Variants in MANF observed in about 807,000 individuals in gnomAD.
The protein encoded by MANF is mesencephalic astrocyte derived neurotrophic factor.
MANF carries 9 observed loss-of-function variants against 19.1 expected under a neutral mutation model. That is an observed-to-expected ratio of 0.47 (90% CI 0.28 to 0.82). MANF has a LOEUF of 0.82. MANF is among the 40% of genes least tolerant of loss of function. The probability of loss-of-function intolerance (pLI) is 0.10; values close to 1 mark genes in which losing one functional copy is unlikely to be tolerated. For synonymous variants in MANF, 89 were observed against 88.0 expected (o/e 1.01, Z -0.06); for missense variants, 225 against 226.7 (o/e 0.99, Z 0.05).
intron 2 of MANF, among the ~76,000 whole-genome samples, chr3:51,387,510 C>T (rs556245395): frequency 2.0e-5 from 3 of 151,978 alleles, no homozygotes; most frequent in East Asian, 1.9e-4. Context: ...TGGCCCACAC[C>T]GGTAGACCCA....
intron 1 of MANF, 144 bp downstream of exon 1, chr3:51,385,580 A>C: frequency 2.3e-6 from 1 of 443,444 alleles, no homozygotes; most frequent in Non-Finnish European, 3.7e-6. Context: ...CGGGGCCTGC[A>C]TGAGGAGGCT....
chr3:51,388,926 C>T lies in MANF; in HGVS notation c.386C>T (p.Thr129Ile). Reference protein sequence around the residue: ...LKYDKQIDLSTVDLKKLRVKE... With the variant: ...LKYDKQIDLSIVDLKKLRVKE... ...CCAGACAAGCAGATCGACCTGAGCACAGTGGACCTGAAGAAGCTCCGAGTT... is the reference window on the plus strand; with the variant it reads ...CCAGACAAGCAGATCGACCTGAGCATAGTGGACCTGAAGAAGCTCCGAGTT... Residue 129 changes from threonine (T) to isoleucine (I), a missense_variant, in exon 4 of 4, where the codon ACA becomes ATA. By Grantham distance (89) the Thr-to-Ile change is moderately conservative. Coordinates refer to ENST00000528157, the MANE Select transcript of MANF (RefSeq NM_006010.6). 1 of 1,582,302 alleles carries T rather than the reference C, an allele frequency of 6.3e-7. No individual in the cohort carries two copies. The highest frequency in any genetic ancestry group is 1.8e-5 in the Admixed American group (1 of 55,294).
Position 51,389,380 on chromosome 3 carries a change from T to G in MANF, c.*291T>G. On this transcript the variant is annotated 3_prime_UTR_variant, in exon 4 of 4. Transcript: ENST00000528157. ...TATAGTGAATACCAAAATGGGGTTTTGCCCCAGGAGGCTCCTACCAGTTTC... is the reference window on the plus strand; with the variant it reads ...TATAGTGAATACCAAAATGGGGTTTGGCCCCAGGAGGCTCCTACCAGTTTC... 2.9e-6 allele frequency: 1 copy of G among 344,794 alleles called. No individual in the cohort carries two copies. The highest frequency in any genetic ancestry group is 5.2e-6 in the Non-Finnish European group (1 of 191,464). The allele number at this position is 344,794 out of a possible 1,614,324, so 21.4% of individuals were successfully genotyped here.
intron 3 of MANF, among the ~76,000 whole-genome samples, chr3:51,388,375 T>C (rs1553621094): frequency 6.6e-6 from 1 of 152,242 alleles, no homozygotes; most frequent in East Asian, 1.9e-4. Context: ...TCTCTCTTGC[T>C]GACTGGGTCT....
Position 51,387,864 on chromosome 3 carries a change from G to GTCCAC in MANF, c.351_352insCCACT (p.Glu118ProfsTer12). 6.2e-7 allele frequency: 1 copy of GTCCAC among 1,613,754 alleles called. No individual in the cohort carries two copies. Among genetic ancestry groups the GTCCAC allele is most frequent in the African/African-American group, 1.3e-5 (1 of 75,060 alleles). The stretch of plus-strand genomic sequence containing the variant: ...CTTAAGAAGAAGGACAGCCAGATAT[G>GTCCAC]TGAGCTTAAGTATGGTGAGTATGCC... On this transcript the variant is annotated frameshift_variant, in exon 3 of 4. Coordinates refer to ENST00000528157, the MANE Select transcript of MANF (RefSeq NM_006010.6). LOFTEE classifies it high-confidence loss of function.
At position 51,387,877 on chromosome 3, in the gene MANF, T is replaced by C. The variant is rs2088977537; in HGVS notation, c.363T>C (p.Tyr121=). 2 of 1,613,422 alleles carry C rather than the reference T, an allele frequency of 1.2e-6. No homozygotes were observed. Among genetic ancestry groups the C allele is most frequent in the Admixed American group, 1.7e-5 (1 of 59,982 alleles). ...KKDSQICELK[Y]DKQIDLSTVD... is the part of the protein sequence containing the mutation. ...ACAGCCAGATATGTGAGCTTAAGTATGGTGAGTATGCCTAGTCCTTTCTTA... is the reference window on the plus strand; with the variant it reads ...ACAGCCAGATATGTGAGCTTAAGTACGGTGAGTATGCCTAGTCCTTTCTTA... The change falls in exon 3 of 4, where the codon TAT becomes TAC. Residue 121 remains tyrosine (Y), a splice_region_variant and synonymous_variant. Transcript: ENST00000528157.
intron 3 of MANF, among the ~76,000 whole-genome samples, chr3:51,388,346 A>G (rs951043709): frequency 6.6e-6 from 1 of 152,234 alleles, no homozygotes; most frequent in African/African-American, 2.4e-5. Flanking sequence ...TGCAAGCCCA[A>G]GAGTTAGGAA....
rs1553621180 is a variant in MANF at position 51,389,021 on chromosome 3, A to G, written c.481A>G (p.Ile161Val). Residue 161 changes from isoleucine to valine, a missense_variant, in exon 4 of 4, where the codon ATC becomes GTC. Transcript: ENST00000528157. ...CKGCAEKSDY[I>V]RKINELMPKY... Reference sequence around the variant, plus strand: ...AGGCTGTGCAGAAAAGTCTGACTACATCCGGAAGATAAATGAACTGATGCC... The same window carrying G: ...AGGCTGTGCAGAAAAGTCTGACTACGTCCGGAAGATAAATGAACTGATGCC... The G allele has an allele frequency of 3.7e-6, 6 of 1,612,258 alleles. No homozygotes were observed. In the East Asian group the frequency reaches 1.3e-4, roughly 36 times the overall value.
chr3:51,387,015 G>A, intron 2 of MANF: 1 of 445,426 alleles, frequency 2.2e-6, no homozygotes, highest in South Asian at 1.6e-5. Context: ...ACCAGTACAG[G>A]CAGGGCACCG....
chr3:51,385,326 G>GGAT lies in MANF; in HGVS notation c.-15_-14insTGA, dbSNP rs1337754563. The GGAT allele has an allele frequency of 1.7e-5, 20 of 1,203,168 alleles. No individual in the cohort carries two copies. Among genetic ancestry groups the GGAT allele is most frequent in the African/African-American group, 1.1e-4 (7 of 63,402 alleles). The allele number at this position is 1,203,168 out of a possible 1,614,324, so 74.5% of individuals were successfully genotyped here. On this transcript the variant is annotated 5_prime_UTR_variant, in exon 1 of 4. It adds an upstream start codon to the 5' untranslated region. Transcript: ENST00000528157. The stretch of plus-strand genomic sequence containing the variant: ...CGGCGGCAGCGGAGGAGGAGGAGGA[G>GGAT]GAGGAGGATGAGGAGGATGAGGAGG...
intron 2 of MANF, among the ~76,000 whole-genome samples, chr3:51,387,376 G>T (rs782764153): frequency 2.6e-5 from 4 of 152,058 alleles, no homozygotes; most frequent in Non-Finnish European, 5.9e-5. Flanking sequence ...AGAATTGCTT[G>T]AACCTGGGAG....
Position 51,389,309 on chromosome 3 carries a change from G to T in MANF, c.*220G>T. On this transcript the variant is annotated 3_prime_UTR_variant, in exon 4 of 4. Coordinates refer to ENST00000528157, the MANE Select transcript of MANF (RefSeq NM_006010.6). ...CTCTAGGACTTCAAAGTGTGTCTGG[G>T]ATTTTTTTATTAAAGAAAAAAAATT... The T allele has an allele frequency of 2.2e-6, 1 of 455,176 alleles. No homozygotes were observed. Among genetic ancestry groups the T allele is most frequent in the Non-Finnish European group, 3.8e-6 (1 of 261,646 alleles). The allele number at this position is 455,176 out of a possible 1,614,324, so 28.2% of individuals were successfully genotyped here.
rs2088936718 is a variant in MANF, at chr3:51,385,449, G to A, written c.94+13G>A. The A allele has an allele frequency of 2.4e-6, 3 of 1,226,220 alleles. No homozygotes were observed. Among genetic ancestry groups the A allele is most frequent in the African/African-American group, 1.6e-5 (1 of 64,066 alleles). 76.0% of individuals were successfully genotyped at this position (1,226,220 alleles called of 1,614,324 possible). ...GGCGACTGCGAAGGTGCGGGATAGG[G>A]GGCCGGGGGCCGCGCTCCGTGACCG... On this transcript the variant is annotated intron_variant, in intron 1 of 3. Coordinates refer to ENST00000528157, the MANE Select transcript of MANF (RefSeq NM_006010.6).
intron 2 of MANF, chr3:51,387,011 AC>A (rs1334620634): frequency 1.3e-5 from 6 of 450,548 alleles, no homozygotes; most frequent in Admixed American, 2.4e-5. Context: ...GACTACCAGT[AC>A]AGGCAGGGCA....
Position 51,389,292 on chromosome 3 carries a change from C to A in MANF, c.*203C>A. 1 of 493,602 alleles carries A rather than the reference C, an allele frequency of 2.0e-6. No homozygotes were observed. Among genetic ancestry groups the A allele is most frequent in the Non-Finnish European group, 3.5e-6 (1 of 285,650 alleles). 30.6% of individuals were successfully genotyped at this position (493,602 alleles called of 1,614,324 possible). A position where few individuals can be genotyped will look rare whatever the true frequency, so the allele number is the denominator to read the frequency against. ...CTTCTGTTGCTGGTGTACTCTAGGA[C>A]TTCAAAGTGTGTCTGGGATTTTTTT... On this transcript the variant is annotated 3_prime_UTR_variant, in exon 4 of 4. Coordinates refer to ENST00000528157, the MANE Select transcript of MANF (RefSeq NM_006010.6).
chr3:51,387,386 G>A (rs2088972733), intron 2 of MANF, among the ~76,000 whole-genome samples: 1 of 152,118 alleles, frequency 6.6e-6, no homozygotes, highest in South Asian at 2.1e-4. Context: ...GAACCTGGGA[G>A]GCGGAGGTTG....
intron 1 of MANF, chr3:51,385,796 G>A (rs2088948375): frequency 7.0e-6 from 2 of 285,452 alleles, no homozygotes; most frequent in Admixed American, 4.9e-5. Flanking sequence ...TGTCTGTTGG[G>A]ATCACGAAGC....
chr3:51,387,784 T>A lies in MANF; in HGVS notation c.270T>A (p.Asn90Lys). ...ATGATGCAGCCACCAAAATCATCAA[T>A]GAGGTATCAAAGCCTCTGGCCCACC... Reference protein sequence around the residue: ...ATDDAATKIINEVSKPLAHHI... With the variant: ...ATDDAATKIIKEVSKPLAHHI... The change falls in exon 3 of 4, where the codon AAT (asparagine) becomes AAA (lysine). Residue 90 changes from asparagine to lysine, a missense_variant. Coordinates refer to ENST00000528157, the MANE Select transcript of MANF (RefSeq NM_006010.6). 1 of 1,612,952 alleles carries A rather than the reference T, an allele frequency of 6.2e-7. No individual in the cohort carries two copies. The highest frequency in any genetic ancestry group is 1.1e-5 in the South Asian group (1 of 90,842).
intron 3 of MANF, 22 bp from the exon 4 acceptor site, chr3:51,388,883 C>G: frequency 6.5e-7 from 1 of 1,531,602 alleles, no homozygotes; most frequent in Non-Finnish European, 8.8e-7. Context: ...CAGTCAGTGA[C>G]TCTCCCTGCT....
Sources: allele counts gnomAD v4.1 joint callset (sites outside exome capture counted in the v4.1 genomes callset), GRCh38; gene constraint gnomAD v4.1.1; transcripts MANE v1.5; gene names NCBI Gene and HGNC (gene_info 2026-07-23, HGNC 2026-07-21).